Variants in MACROD2 observed in about 807,000 individuals in gnomAD.
MACROD2 encodes the protein mono-ADP ribosylhydrolase 2.
MACROD2 carries 36 observed loss-of-function variants against 70.4 expected under a neutral mutation model. The observed-to-expected ratio is 0.51, with a 90% CI of 0.39 to 0.68. The LOEUF (loss-of-function observed/expected upper bound fraction) is 0.68. Among genes scored for constraint, MACROD2 ranks in the 30% least tolerant of loss-of-function variants. The pLI is 0.00. For synonymous variants in MACROD2, 172 were observed against 178.8 expected (o/e 0.96, Z 0.30); for missense variants, 496 against 538.4 (o/e 0.92, Z 0.78).
intron 4 of MACROD2, among the ~76,000 whole-genome samples, chr20:14,592,194 A>C (rs575237188): frequency 6.6e-6 from 1 of 152,334 alleles, no homozygotes; most frequent in South Asian, 2.1e-4. Context: ...GGTTAATAGA[A>C]GGCAGTCATG....
chr20:14,896,349 A>G (rs904294584), intron 5 of MACROD2, among the ~76,000 whole-genome samples: 1 of 152,154 alleles, frequency 6.6e-6, no homozygotes, highest in Non-Finnish European at 1.5e-5. Context: ...TTTGCTATTA[A>G]TATCTTAAAG....
chr20:15,770,418 C>T (rs1231467656), intron 8 of MACROD2, among the ~76,000 whole-genome samples: 1 of 152,084 alleles, frequency 6.6e-6, no homozygotes, highest in African/African-American at 2.4e-5. Context: ...GACTTCACTT[C>T]TCTGGGGAGA....
intron 4 of MACROD2, among the ~76,000 whole-genome samples, chr20:14,667,189 T>A (rs2070745027): frequency 6.6e-6 from 1 of 152,140 alleles, no homozygotes; most frequent in Admixed American, 6.6e-5. Flanking sequence ...CTATCTCTTG[T>A]GATCATTCAT....
chr20:15,410,017 G>A (rs1271031095), intron 6 of MACROD2, among the ~76,000 whole-genome samples: 1 of 152,082 alleles, frequency 6.6e-6, no homozygotes, highest in African/African-American at 2.4e-5. Flanking sequence ...TCTTGGTCTG[G>A]ATTTATTCCT....
At chr20:14,581,004 C>T (rs1314809027) in intron 4 of MACROD2, among the ~76,000 whole-genome samples, 1 of 152,130 alleles carries the variant, frequency 6.6e-6, no homozygotes, top group African/African-American at 2.4e-5. Flanking sequence ...GAATATAAAA[C>T]GAGTAACTAT....
intron 3 of MACROD2, among the ~76,000 whole-genome samples, chr20:14,262,691 G>A (rs1275951182): frequency 1.3e-5 from 2 of 152,158 alleles, no homozygotes; most frequent in Non-Finnish European, 2.9e-5. Flanking sequence ...AGAGGGAGTG[G>A]TGTCATGGAG....
chr20:14,916,764 G>A (rs2074097243), intron 5 of MACROD2, among the ~76,000 whole-genome samples: 1 of 152,084 alleles, frequency 6.6e-6, no homozygotes, highest in Non-Finnish European at 1.5e-5. Context: ...AAGCGATTTA[G>A]AAGGGCAAAT....
At chr20:14,351,154 C>CTGT (rs1320545690) in intron 3 of MACROD2, among the ~76,000 whole-genome samples, 1 of 152,126 alleles carries the variant, frequency 6.6e-6, no homozygotes, top group African/African-American at 2.4e-5. Context: ...TGTTATAGCC[C>CTGT]TGTAGTACAA....
chr20:15,473,225 G>T (rs919689129), intron 7 of MACROD2, among the ~76,000 whole-genome samples: 4 of 152,146 alleles, frequency 2.6e-5, no homozygotes, highest in African/African-American at 7.2e-5. Context: ...ATATGGCATG[G>T]TCCTTAACAG....
At chr20:15,286,142 G>A (rs2077489265) in intron 6 of MACROD2, among the ~76,000 whole-genome samples, 1 of 152,186 alleles carries the variant, frequency 6.6e-6, no homozygotes, top group South Asian at 2.1e-4. Context: ...ATTCATCAGA[G>A]TTGAGGAAGG....
At chr20:15,543,635 A>C (rs2047988168) in intron 8 of MACROD2, among the ~76,000 whole-genome samples, 1 of 152,312 alleles carries the variant, frequency 6.6e-6, no homozygotes, top group Non-Finnish European at 1.5e-5. Context: ...CCATTGTTAC[A>C]ATTTCAAGCA....
intron 4 of MACROD2, among the ~76,000 whole-genome samples, chr20:14,603,271 G>T (rs865889511): frequency 3.3e-5 from 5 of 152,184 alleles, no homozygotes; most frequent in Non-Finnish European, 7.3e-5. Context: ...ACTGTGTGCA[G>T]TTTGGACAAT....
Position 14,839,608 on chromosome 20 carries a change from G to A in MACROD2, c.418+154649G>A, listed in dbSNP as rs146308112. 1.2e-3 allele frequency among the ~76,000 whole-genome samples: 182 copies of A among 152,108 alleles called. 3 individuals carry two copies. The highest frequency in any genetic ancestry group is 7.4e-3 in the East Asian group (38 of 5,160). The stretch of plus-strand genomic sequence containing the variant: ...ATTTTTGCTCCAGTCTCTTATAGTT[G>A]TCTCTGAGTATGTCCCCAGAACTGA... On this transcript the variant is annotated intron_variant, in intron 5 of 17. Transcript: ENST00000684519.
intron 5 of MACROD2, among the ~76,000 whole-genome samples, chr20:14,959,569 T>G (rs1252803906): frequency 6.6e-6 from 1 of 150,790 alleles, no homozygotes; most frequent in Non-Finnish European, 1.5e-5. Flanking sequence ...ACACATAGGC[T>G]GGAACACAAG....
chr20:14,832,729 T>G (rs2122240684), intron 5 of MACROD2, among the ~76,000 whole-genome samples: 1 of 152,290 alleles, frequency 6.6e-6, no homozygotes, highest in African/African-American at 2.4e-5. Flanking sequence ...TCTCTTAATT[T>G]CAGTTCCCTC....
At chr20:14,623,915 T>C (rs1487688364) in intron 4 of MACROD2, among the ~76,000 whole-genome samples, 4 of 152,202 alleles carry the variant, frequency 2.6e-5, no homozygotes, top group African/African-American at 7.2e-5. Flanking sequence ...TTTCTTCTCA[T>C]CTTATCAGGG....
At position 14,954,973 on chromosome 20, in the gene MACROD2, A is replaced by G. The variant is rs1425101686; in HGVS notation, c.418+270014A>G. ...ATATTATATATAATTTATATTTTATATAATTAAATATATTAAATATATTAT... is the reference window on the plus strand; with the variant it reads ...ATATTATATATAATTTATATTTTATGTAATTAAATATATTAAATATATTAT... On this transcript the variant is annotated intron_variant, in intron 5 of 17. Transcript: ENST00000684519. 4.8e-3 allele frequency among the ~76,000 whole-genome samples: 15 copies of G among 3,140 alleles called. No individual in the cohort carries two copies. The East Asian group carries it at 0.11, about 24-fold the overall frequency. 2.1% of individuals were successfully genotyped at this position (3,140 alleles called of 152,430 possible). A position where few individuals can be genotyped will look rare whatever the true frequency, so the allele number is the denominator to read the frequency against.
At chr20:14,021,183 G>A (rs1349237914) in intron 2 of MACROD2, among the ~76,000 whole-genome samples, 3 of 151,998 alleles carry the variant, frequency 2.0e-5, no homozygotes, top group Non-Finnish European at 4.4e-5. Context: ...TAGAGACGCG[G>A]TTTCACCGTG....
At position 15,317,183 on chromosome 20, in the gene MACROD2, T is replaced by TA. The variant is rs1166316197; in HGVS notation, c.540+87128dup. ...AGCAAACTAAGCCCAAGGCTTGTATTAAAAAAGGAAATAATAATTATTAGA... is the reference window on the plus strand; with the variant it reads ...AGCAAACTAAGCCCAAGGCTTGTATTAAAAAAAGGAAATAATAATTATTAGA... On this transcript the variant is annotated intron_variant, in intron 6 of 17. Coordinates refer to ENST00000684519, the MANE Select transcript of MACROD2 (RefSeq NM_001351661.2). Among the ~76,000 whole-genome samples, 3 of 152,056 alleles carry TA rather than the reference T, an allele frequency of 2.0e-5. No individual in the cohort carries two copies. The East Asian group carries it at 5.8e-4, about 29-fold the overall frequency.
Sources: gnomAD v4.1 joint callset for allele counts (sites outside exome capture counted in the v4.1 genomes callset) on GRCh38, gnomAD v4.1.1 for gene constraint, MANE v1.5 for transcripts, NCBI Gene and HGNC (gene_info 2026-07-23, HGNC 2026-07-21) for gene names.